BCAS3: variants seen among roughly 807,000 people sequenced by gnomAD.
The protein encoded by BCAS3 is BCAS3 microtubule associated cell migration factor, also known as BCAS4/BCAS3 fusion.
BCAS3 carries 53 observed loss-of-function variants against 116.1 expected under a neutral mutation model. The observed-to-expected ratio is 0.46, with a 90% CI of 0.37 to 0.57. The LOEUF is 0.57. Among genes scored for constraint, BCAS3 ranks in the 20% least tolerant of loss-of-function variants. BCAS3 has a pLI of 0.00. For missense variants in BCAS3, 917 were observed against 1,165.4 expected (o/e 0.79, Z 3.10); for synonymous variants, 391 against 408.2 (o/e 0.96, Z 0.51).
rs930141290 is a variant in BCAS3 at position 61,145,108 on chromosome 17, G to A, written c.2425+60544G>A. On this transcript the variant is annotated intron_variant, in intron 22 of 23. Transcript: ENST00000407086. The surrounding 1 kb of genome is among the most constrained non-coding windows in gnomAD (Gnocchi z 5.0). Reference sequence around the variant, plus strand: ...CTGGAGGGAGATGCAACTTTGGCTCGCCTCACCGGCAGTAATTTAATTTTT... The same window carrying A: ...CTGGAGGGAGATGCAACTTTGGCTCACCTCACCGGCAGTAATTTAATTTTT... Among the ~76,000 whole-genome samples the A allele has an allele frequency of 1.3e-5, 2 of 152,136 alleles. No homozygotes were observed. Among genetic ancestry groups the A allele is most frequent in the South Asian group, 2.1e-4 (1 of 4,826 alleles).
chr17:61,130,467 C>T lies in BCAS3; in HGVS notation c.2425+45903C>T, dbSNP rs988212129. On this transcript the variant is annotated intron_variant, in intron 22 of 23. Transcript: ENST00000407086. The surrounding 1 kb of genome is among the most constrained non-coding windows in gnomAD (Gnocchi z 5.0). ...TGGGACACTGCAGAAGTAACCAAAT[C>T]GGTCCCACAAACATAAGCCTCTCTA... 1.4e-4 allele frequency among the ~76,000 whole-genome samples: 21 copies of T among 152,102 alleles called. No individual in the cohort carries two copies. Among genetic ancestry groups the T allele is most frequent in the African/African-American group, 4.3e-4 (18 of 41,402 alleles).
intron 7 of BCAS3, among the ~76,000 whole-genome samples, chr17:60,839,633 A>G (rs1037225580): frequency 6.6e-6 from 1 of 152,202 alleles, no homozygotes; most frequent in Non-Finnish European, 1.5e-5. Context: ...TTACTTAATT[A>G]AAAACAAGAC....
At chr17:60,885,901 G>A (rs1023766151) in intron 9 of BCAS3, among the ~76,000 whole-genome samples, 10 of 146,736 alleles carry the variant, frequency 6.8e-5, no homozygotes, top group African/African-American at 2.7e-4. Flanking sequence ...TTCAATTTTG[G>A]TGAATCTGAC....
intron 4 of BCAS3, among the ~76,000 whole-genome samples, chr17:60,706,635 G>A (rs1011985587): frequency 6.6e-6 from 1 of 151,756 alleles, no homozygotes; most frequent in Non-Finnish European, 1.5e-5. Context: ...GACCAGCTGG[G>A]ACAACATGAC....
At chr17:61,374,841 A>G (rs919977141) in intron 23 of BCAS3, among the ~76,000 whole-genome samples, 21 of 152,100 alleles carry the variant, frequency 1.4e-4, no homozygotes, top group African/African-American at 3.9e-4. Flanking sequence ...TGTACTTTCT[A>G]TTTTATTTCA....
intron 5 of BCAS3, among the ~76,000 whole-genome samples, chr17:60,733,621 T>A (rs914979263): frequency 5.9e-5 from 9 of 152,120 alleles, no homozygotes; most frequent in Non-Finnish European, 1.0e-4. Flanking sequence ...GTGAGATGAC[T>A]GCTTGAGCCC....
chr17:61,353,886 A>G (rs954175118), intron 22 of BCAS3: 1 of 152,208 alleles, frequency 6.6e-6, no homozygotes, highest in African/African-American at 2.4e-5. Context: ...GGCTCCGAAC[A>G]CACTTTGTGT....
rs201215333 is a variant in BCAS3 at position 61,392,110 on chromosome 17, G to A, written c.2727G>A (p.Pro909=). 2.5e-5 allele frequency: 41 copies of A among 1,613,122 alleles called. No individual in the cohort carries two copies. The highest frequency in any genetic ancestry group is 6.7e-5 in the East Asian group (3 of 44,868). Residue 909 remains proline, a synonymous_variant, in exon 24 of 24, where the codon CCG becomes CCA. Transcript: ENST00000407086. This position sits in a 1 kb window ranked among gnomAD's most constrained non-coding sequence, Gnocchi z 6.4. ...AGAGCCAGCCCCTCAGCCTCTTCCC[G>A]ACTGGCTTCCCGTAGGTACCAGCAA... The part of the protein sequence containing the change: ...TNESQPLSLF[P]TGFP
intron 10 of BCAS3, among the ~76,000 whole-genome samples, chr17:60,893,070 G>A (rs1322815251): frequency 6.6e-6 from 1 of 151,970 alleles, no homozygotes; most frequent in East Asian, 1.9e-4. Context: ...TTTGAGAAAT[G>A]TCTGTTTATG....
At chr17:61,386,694 C>T (rs1481388707) in intron 23 of BCAS3, among the ~76,000 whole-genome samples, 8 of 152,096 alleles carry the variant, frequency 5.3e-5, no homozygotes, top group Non-Finnish European at 7.4e-5. Flanking sequence ...AGGAGCTTTT[C>T]GCAGGGCCTT....
rs1449142617 is a variant in BCAS3, at chr17:61,355,797, A to G, written c.2426-12530A>G. 6.6e-6 allele frequency among the ~76,000 whole-genome samples: 1 copy of G among 152,212 alleles called. No individual in the cohort carries two copies. The highest frequency in any genetic ancestry group is 1.5e-5 in the Non-Finnish European group (1 of 68,030). On this transcript the variant is annotated intron_variant, in intron 22 of 23. Coordinates refer to ENST00000407086, the MANE Select transcript of BCAS3 (RefSeq NM_017679.5). The surrounding 1 kb of genome is among the most constrained non-coding windows in gnomAD (Gnocchi z 4.2). ...TTATTTGGAATGAGGACTGTCCTAG[A>G]AAACCCAGTTTGTATGCTTGCTGTC...
intron 6 of BCAS3, among the ~76,000 whole-genome samples, chr17:60,765,182 C>T (rs1211434387): frequency 1.3e-5 from 2 of 152,076 alleles, no homozygotes; most frequent in Admixed American, 1.3e-4. Flanking sequence ...GGCATTTAGC[C>T]CATTTACATT....
chr17:61,341,044 G>A (rs904987050), intron 22 of BCAS3, among the ~76,000 whole-genome samples: 11 of 152,188 alleles, frequency 7.2e-5, no homozygotes, highest in Non-Finnish European at 8.8e-5. Context: ...TTGCTGACAG[G>A]GTCATCTGTG....
At chr17:60,947,644 GT>G (rs2060583788) in intron 14 of BCAS3, among the ~76,000 whole-genome samples, 1 of 152,138 alleles carries the variant, frequency 6.6e-6, no homozygotes, top group African/African-American at 2.4e-5. Context: ...GAAAACTCCT[GT>G]CATTCATTTG....
At chr17:60,731,265 G>A (rs1032944795) in intron 5 of BCAS3, among the ~76,000 whole-genome samples, 4 of 152,168 alleles carry the variant, frequency 2.6e-5, no homozygotes, top group Non-Finnish European at 5.9e-5. Context: ...CCAGGCCTGA[G>A]TGCAGTGGCA....
At chr17:61,010,757 C>T (rs780513871) in intron 15 of BCAS3, among the ~76,000 whole-genome samples, 25 of 151,908 alleles carry the variant, frequency 1.6e-4, no homozygotes, top group Non-Finnish European at 3.2e-4. Context: ...TATTGGAACT[C>T]GGGATTTCTT....
At chr17:60,865,131 G>A (rs2054485334) in intron 7 of BCAS3, among the ~76,000 whole-genome samples, 1 of 152,046 alleles carries the variant, frequency 6.6e-6, no homozygotes, top group Admixed American at 6.6e-5. Flanking sequence ...AGTTGAGCAC[G>A]TAGTGTTGTA....
chr17:60,792,474 A>T (rs1028898326), intron 6 of BCAS3, among the ~76,000 whole-genome samples: 30 of 152,206 alleles, frequency 2.0e-4, no homozygotes, highest in African/African-American at 7.0e-4. Context: ...ACAGCCTGCC[A>T]GGCTGAGTGG....
chr17:60,906,000 A>G lies in BCAS3; in HGVS notation c.822+3297A>G, dbSNP rs547059618. Among the ~76,000 whole-genome samples the G allele has an allele frequency of 4.6e-5, 7 of 152,146 alleles. No individual in the cohort carries two copies. The South Asian group carries it at 1.3e-3, about 27-fold the overall frequency. On this transcript the variant is annotated intron_variant, in intron 11 of 23. Transcript: ENST00000407086. The stretch of plus-strand genomic sequence containing the variant: ...GGTTACAAAGAAAAGGTAAGAGGGA[A>G]CCTCTCGGTTGAATATACCTGACTT...
Sources: allele counts gnomAD v4.1 joint callset (sites outside exome capture counted in the v4.1 genomes callset), GRCh38; gene constraint gnomAD v4.1.1; non-coding constraint Gnocchi (gnomAD v3.1); transcripts MANE v1.5; gene names NCBI Gene and HGNC (gene_info 2026-07-23, HGNC 2026-07-21).